USP38: variants seen among roughly 807,000 people sequenced by gnomAD.
The protein encoded by USP38 is ubiquitin carboxyl-terminal hydrolase 38.
Under a neutral mutation model 94.3 loss-of-function variants are expected in USP38, and 49 were observed. The observed-to-expected ratio is 0.52, with a 90% CI of 0.41 to 0.66. The LOEUF is 0.66. Ranked by LOEUF, USP38 falls within the 30% of genes least tolerant of loss-of-function variation. The probability of loss-of-function intolerance (pLI) is 0.00; values close to 1 mark genes in which losing one functional copy is unlikely to be tolerated. For synonymous variants in USP38, 468 were observed against 463.6 expected, an observed-to-expected ratio of 1.01 and a Z score of -0.12; for missense variants, 1,128 against 1,229.4, an observed-to-expected ratio of 0.92 and a Z score of 1.23.
At position 143,203,400 on chromosome 4, in the gene USP38, C is replaced by T. The variant is rs1369927536; in HGVS notation, c.1051-8C>T. The stretch of plus-strand genomic sequence containing the variant: ...AATTCAGCATTGTTTATCCTTTTTT[C>T]TTTTCAGATTGTTCCTCATGTGGTT... On this transcript the variant is annotated splice_region_variant and splice_polypyrimidine_tract_variant and intron_variant, in intron 4 of 9. Transcript: ENST00000307017. 18 of 1,597,688 alleles carry T rather than the reference C, an allele frequency of 1.1e-5. No homozygotes were observed. In the Admixed American group the frequency reaches 1.2e-4, roughly 11 times the overall value.
Position 143,185,274 on chromosome 4 carries a change from C to T in USP38, c.-177C>T, listed in dbSNP as rs1474464851. The T allele has an allele frequency of 5.7e-6, 4 of 702,052 alleles. No homozygotes were observed. Among genetic ancestry groups the T allele is most frequent in the Admixed American group, 3.1e-5 (1 of 32,058 alleles). The allele number at this position is 702,052 out of a possible 1,614,324, so 43.5% of individuals were successfully genotyped here. A position where few individuals can be genotyped will look rare whatever the true frequency, so the allele number is the denominator to read the frequency against. ...CCAGGCTCGCTAGCTCCCGCCCCGG[C>T]TTGGATGGGTCTCCCTGCGCCATAA... On this transcript the variant is annotated 5_prime_UTR_variant, in exon 1 of 10. Coordinates refer to ENST00000307017, the MANE Select transcript of USP38 (RefSeq NM_032557.6).
Position 143,214,802 on chromosome 4 carries a change from T to C in USP38, c.2826T>C (p.Tyr942=). Residue 942 remains tyrosine, a synonymous_variant, in exon 9 of 10, where the codon TAT becomes TAC. Coordinates refer to ENST00000307017, the MANE Select transcript of USP38 (RefSeq NM_032557.6). ...ITSRFPKDTA[Y]VLLYKKQHST... ...GCAGGTTTCCAAAGGACACAGCTTA[T>C]GTGCTTTTGTATAAAAAACAGCATA... 6.2e-7 allele frequency: 1 copy of C among 1,613,790 alleles called. No individual in the cohort carries two copies. The highest frequency in any genetic ancestry group is 8.5e-7 in the Non-Finnish European group (1 of 1,179,796).
chr4:143,219,427 C>T (rs1418697804), intron 9 of USP38, among the ~76,000 whole-genome samples: 1 of 152,056 alleles, frequency 6.6e-6, no homozygotes, highest in Non-Finnish European at 1.5e-5. Flanking sequence ...CCAGATGGAA[C>T]AAAATCACTA....
Position 143,223,478 on chromosome 4 carries a change from T to C in USP38, c.*3022T>C, listed in dbSNP as rs1732374076. 2.0e-5 allele frequency: 3 copies of C among 152,112 alleles called. No homozygotes were observed. 9.4% of individuals were successfully genotyped at this position (152,112 alleles called of 1,614,324 possible). A position where few individuals can be genotyped will look rare whatever the true frequency, so the allele number is the denominator to read the frequency against. On this transcript the variant is annotated 3_prime_UTR_variant, in exon 10 of 10. Coordinates refer to ENST00000307017, the MANE Select transcript of USP38 (RefSeq NM_032557.6). ...CTAAGTCTTAAGTTCAAATCTATAA[T>C]TTTTTTCTCTTCAGTTCTGTTCTTT...
chr4:143,222,162 C>G lies in USP38; in HGVS notation c.*1706C>G, dbSNP rs934610992. The G allele has an allele frequency of 9.9e-5, 15 of 152,024 alleles. No homozygotes were observed. The highest frequency in any genetic ancestry group is 3.4e-4 in the African/African-American group (14 of 41,422). 9.4% of individuals were successfully genotyped at this position (152,024 alleles called of 1,614,324 possible). A position where few individuals can be genotyped will look rare whatever the true frequency, so the allele number is the denominator to read the frequency against. ...AGATTGATATTGGGCTAAGATGCTT[C>G]TAGGAACTTTCATAAAAGCAATTAT... is the stretch of plus-strand genomic sequence containing the variant. On this transcript the variant is annotated 3_prime_UTR_variant, in exon 10 of 10. Coordinates refer to ENST00000307017, the MANE Select transcript of USP38 (RefSeq NM_032557.6).
At chr4:143,189,196 A>G (rs1040026877) in intron 2 of USP38, among the ~76,000 whole-genome samples, 15 of 152,056 alleles carry the variant, frequency 9.9e-5, no homozygotes, top group African/African-American at 3.6e-4. Flanking sequence ...TCTGAGGGGA[A>G]GAATATCAGT....
At position 143,221,116 on chromosome 4, in the gene USP38, A is replaced by T. The variant is rs538355421; in HGVS notation, c.*660A>T. On this transcript the variant is annotated 3_prime_UTR_variant, in exon 10 of 10. Coordinates refer to ENST00000307017, the MANE Select transcript of USP38 (RefSeq NM_032557.6). ...TCCTGTAGGAGCAACATTTTTACCT[A>T]AAAAATGCTAACTTTATAGTATTTC... 3.3e-5 allele frequency: 5 copies of T among 152,664 alleles called. No individual in the cohort carries two copies. The highest frequency in any genetic ancestry group is 7.4e-5 in the Non-Finnish European group (5 of 67,994). The allele number at this position is 152,664 out of a possible 1,614,324, so 9.5% of individuals were successfully genotyped here.
At chr4:143,203,225 C>T (rs1326546756) in intron 4 of USP38, among the ~76,000 whole-genome samples, 183 bp from the exon 5 acceptor site, 2 of 152,080 alleles carry the variant, frequency 1.3e-5, no homozygotes, top group Non-Finnish European at 2.9e-5. Context: ...TCATATGCGA[C>T]TTCGAAAACT....
chr4:143,200,956 G>A (rs1027517424), intron 4 of USP38, among the ~76,000 whole-genome samples: 1 of 152,168 alleles, frequency 6.6e-6, no homozygotes, highest in African/African-American at 2.4e-5. Flanking sequence ...ACTGCCCAAA[G>A]CAATTTACAG....
Position 143,214,062 on chromosome 4 carries a change from G to C in USP38, c.2086G>C (p.Glu696Gln), listed in dbSNP as rs149996933. The C allele has an allele frequency of 6.2e-7, 1 of 1,613,378 alleles. No individual in the cohort carries two copies. Among genetic ancestry groups the C allele is most frequent in the Non-Finnish European group, 8.5e-7 (1 of 1,179,788 alleles). The change falls in exon 9 of 10, where the codon GAA (glutamate) becomes CAA (glutamine). Residue 696 changes from glutamate (E) to glutamine (Q), a missense_variant. Glu to Gln is a conservative substitution (Grantham distance 29). Coordinates refer to ENST00000307017, the MANE Select transcript of USP38 (RefSeq NM_032557.6). ...TTCTGAAAACACTTCTGTCCCTAAC[G>C]AATCTAACAAGATTCTTGTTAATAA... ...YCSENTSVPN[E>Q]SNKILVNKDV... is the part of the protein sequence containing the mutation.
At chr4:143,204,779 G>A (rs1013138900) in intron 5 of USP38, among the ~76,000 whole-genome samples, 1 of 152,140 alleles carries the variant, frequency 6.6e-6, no homozygotes, top group African/African-American at 2.4e-5. Flanking sequence ...AAAAGAATAG[G>A]AGAACTGAAC....
rs911167043 is a variant in USP38, at chr4:143,220,608, C to T, written c.*152C>T. On this transcript the variant is annotated 3_prime_UTR_variant, in exon 10 of 10. Transcript: ENST00000307017. Reference sequence around the variant, plus strand: ...AGTGCTTGTTTTTATTTTCTTGACACATTTATTAACAAAATGCATCATGGA... The same window carrying T: ...AGTGCTTGTTTTTATTTTCTTGACATATTTATTAACAAAATGCATCATGGA... The T allele has an allele frequency of 1.3e-6, 1 of 766,642 alleles. No homozygotes were observed. The highest frequency in any genetic ancestry group is 1.9e-5 in the African/African-American group (1 of 51,906). The allele number at this position is 766,642 out of a possible 1,614,324, so 47.5% of individuals were successfully genotyped here.
chr4:143,210,403 A>T (rs773109094), intron 7 of USP38, among the ~76,000 whole-genome samples: 1 of 152,126 alleles, frequency 6.6e-6, no homozygotes, highest in South Asian at 2.1e-4. Context: ...CCTGGCCAAC[A>T]TTGTGAAACC....
rs758421216 is a variant in USP38, at chr4:143,220,498, T to C, written c.*42T>C. On this transcript the variant is annotated 3_prime_UTR_variant, in exon 10 of 10. Transcript: ENST00000307017. ...AATGCACTGGTCACGAAACGTCTAA[T>C]ACTATGACTGTTAAAATGTCAGACT... 2.7e-6 allele frequency: 4 copies of C among 1,503,886 alleles called. No individual in the cohort carries two copies. The highest frequency in any genetic ancestry group is 1.4e-5 in the African/African-American group (1 of 70,652). 93.2% of individuals were successfully genotyped at this position (1,503,886 alleles called of 1,614,324 possible).
rs761043259 is a variant in USP38 at position 143,213,929 on chromosome 4, C to T, written c.1953C>T (p.Pro651=). The T allele has an allele frequency of 6.2e-6, 10 of 1,613,616 alleles. No individual in the cohort carries two copies. Among genetic ancestry groups the T allele is most frequent in the African/African-American group, 1.3e-5 (1 of 74,888 alleles). Residue 651 remains proline, a synonymous_variant, in exon 9 of 10, where the codon CCC becomes CCT. Transcript: ENST00000307017. ...GTGGTCTAATGCAAGCCTCTGTACC[C>T]GGTCCTTCAGAAGAACCAGTAGTTT... ...QDGGLMQASV[P]GPSEEPVVYN...
intron 2 of USP38, 90 bp from the exon 3 acceptor site, chr4:143,195,626 A>C (rs757228399): frequency 1.4e-4 from 182 of 1,327,464 alleles, no homozygotes; most frequent in Admixed American, 7.4e-4. Context: ...TTTATTCACA[A>C]AGTGAGTGAT....
chr4:143,196,448 G>T (rs1469714638), intron 3 of USP38, among the ~76,000 whole-genome samples: 1 of 152,142 alleles, frequency 6.6e-6, no homozygotes, highest in Non-Finnish European at 1.5e-5. Context: ...TTCCAGTGTT[G>T]CTAAACTCAA....
Position 143,185,215 on chromosome 4 carries a change from T to C in USP38, c.-236T>C, listed in dbSNP as rs1731174050. On this transcript the variant is annotated 5_prime_UTR_variant, in exon 1 of 10. Transcript: ENST00000307017. ...CGGCGGAGTACGGGCCTCTGGCGCC[T>C]TAGGCCAGCCGCAGGTGTCGGTTCT... 4.1e-6 allele frequency: 2 copies of C among 490,122 alleles called. No individual in the cohort carries two copies. Among genetic ancestry groups the C allele is most frequent in the East Asian group, 7.1e-5 (2 of 28,112 alleles). The allele number at this position is 490,122 out of a possible 1,614,324, so 30.4% of individuals were successfully genotyped here.
rs148528893 is a variant in USP38 at position 143,206,189 on chromosome 4, A to G, written c.1366A>G (p.Met456Val). Residue 456 changes from methionine (M) to valine (V), a missense_variant, in exon 6 of 10, where the codon ATG becomes GTG. Physicochemically the swap from Met to Val is conservative, Grantham distance 21. Transcript: ENST00000307017. ...GLINLGNTCYMNSVIQALFMA... is the reference protein window; with the variant it reads ...GLINLGNTCYVNSVIQALFMA... ...TATTAACCTAGGAAATACATGTTATATGAACAGTGTTATACAAGCCTTGTT... is the reference window on the plus strand; with the variant it reads ...TATTAACCTAGGAAATACATGTTATGTGAACAGTGTTATACAAGCCTTGTT... 239 of 1,612,666 alleles carry G rather than the reference A, an allele frequency of 1.5e-4. No individual in the cohort carries two copies. Among genetic ancestry groups the G allele is most frequent in the Non-Finnish European group, 2.0e-4 (235 of 1,179,600 alleles).
Sources: gnomAD v4.1 joint callset for allele counts (sites outside exome capture counted in the v4.1 genomes callset) on GRCh38, gnomAD v4.1.1 for gene constraint, MANE v1.5 for transcripts, NCBI Gene and HGNC (gene_info 2026-07-23, HGNC 2026-07-21) for gene names.